The following AP3B1 variants were observed in gnomAD, a reference collection of about 807,000 sequenced individuals.
AP3B1 encodes the protein AP-3 complex subunit beta-1.
In AP3B1, 61 loss-of-function variants were observed where a neutral mutation model predicts 132.5. The ratio of observed to expected loss-of-function variants is 0.46; its 90% CI spans 0.37 to 0.57. The LOEUF is 0.57. Ranked by LOEUF, AP3B1 falls within the 20% of genes least tolerant of loss-of-function variation. The probability of loss-of-function intolerance (pLI) is 0.00; values close to 1 mark genes in which losing one functional copy is unlikely to be tolerated. For synonymous variants in AP3B1, 388 were observed against 438.3 expected (o/e 0.89, Z 1.43); for missense variants, 1,120 against 1,289.4 (o/e 0.87, Z 2.01).
chr5:78,059,669 C>G (rs1348791407), intron 22 of AP3B1, among the ~76,000 whole-genome samples: 1 of 152,128 alleles, frequency 6.6e-6, no homozygotes, highest in Non-Finnish European at 1.5e-5. Context: ...AAAAACTCCC[C>G]TCCCCTAACA....
intron 22 of AP3B1, among the ~76,000 whole-genome samples, chr5:78,067,714 T>C (rs183255999): frequency 2.3e-3 from 347 of 152,144 alleles, no homozygotes; most frequent in Non-Finnish European, 3.5e-3. Flanking sequence ...TTGAAACCAA[T>C]GAGAACAAAG....
intron 7 of AP3B1, among the ~76,000 whole-genome samples, chr5:78,202,552 A>AGTGTGTGTGAGTGT (rs1554075460): frequency 1.4e-5 from 2 of 146,056 alleles, no homozygotes; most frequent in African/African-American, 5.1e-5. Flanking sequence ...CCATATATTC[A>AGTGTGTGTGAGTGT]GTGTGTGTGT....
Position 78,211,930 on chromosome 5 carries a change from C to T in AP3B1, c.786+4125G>A, listed in dbSNP as rs138627770. ...TAAAATCTGTATATATCAATTTCTTCATATATAAAATGGGTATAATAATTC... is the reference window on the plus strand; with the variant it reads ...TAAAATCTGTATATATCAATTTCTTTATATATAAAATGGGTATAATAATTC... On this transcript the variant is annotated intron_variant, in intron 7 of 26. Coordinates refer to ENST00000255194, the MANE Select transcript of AP3B1 (RefSeq NM_003664.5). 3.1e-3 allele frequency among the ~76,000 whole-genome samples: 470 copies of T among 152,278 alleles called. 1 individual carries two copies. The highest frequency in any genetic ancestry group is 0.011 in the African/African-American group (441 of 41,554).
chr5:78,063,811 G>A (rs1734416849), intron 22 of AP3B1, among the ~76,000 whole-genome samples: 8 of 152,128 alleles, frequency 5.3e-5, no homozygotes, highest in Admixed American at 5.2e-4. Context: ...TGAGGTTAAA[G>A]TGTACATCAA....
chr5:78,088,104 T>C (rs1750343723), intron 22 of AP3B1, among the ~76,000 whole-genome samples: 1 of 152,234 alleles, frequency 6.6e-6, no homozygotes, highest in Non-Finnish European at 1.5e-5. Context: ...ACCAAGGTTT[T>C]AGGGACCTCC....
At chr5:78,096,064 G>A (rs995379698) in intron 21 of AP3B1, among the ~76,000 whole-genome samples, 2 of 152,134 alleles carry the variant, frequency 1.3e-5, no homozygotes, top group African/African-American at 4.8e-5. Flanking sequence ...ATGCCGAGCT[G>A]AAGCTGGACT....
intron 9 of AP3B1, 133 bp from the exon 10 acceptor site, chr5:78,175,971 T>C: frequency 3.9e-6 from 3 of 760,434 alleles, no homozygotes; most frequent in Non-Finnish European, 6.8e-6. Context: ...ATGAAAAGTT[T>C]TTAGTAAATC....
intron 24 of AP3B1, among the ~76,000 whole-genome samples, chr5:78,028,027 A>G (rs537101132): frequency 1.8e-4 from 28 of 151,750 alleles, no homozygotes; most frequent in Non-Finnish European, 3.8e-4. Context: ...TTGGGAAGCT[A>G]AGGAAGGACA....
At chr5:78,119,087 A>G (rs894455451) in intron 17 of AP3B1, among the ~76,000 whole-genome samples, 16 of 152,216 alleles carry the variant, frequency 1.1e-4, no homozygotes, top group African/African-American at 2.4e-5. Context: ...CAGGGTCTGG[A>G]GTTGACCTCT....
chr5:78,067,105 G>A (rs1364316860), intron 22 of AP3B1, among the ~76,000 whole-genome samples: 2 of 152,244 alleles, frequency 1.3e-5, no homozygotes, highest in East Asian at 3.9e-4. Context: ...GCAGAAAAAA[G>A]CAGGGGTTGA....
chr5:78,072,508 TTC>T (rs1035139334), intron 22 of AP3B1, among the ~76,000 whole-genome samples: 4 of 152,108 alleles, frequency 2.6e-5, no homozygotes, highest in African/African-American at 9.7e-5. Context: ...TGCTGAAATT[TTC>T]TGTTTTGTTT....
chr5:78,244,528 C>A (rs75310194), intron 2 of AP3B1, among the ~76,000 whole-genome samples: 273 of 152,180 alleles, frequency 1.8e-3, no homozygotes, highest in Non-Finnish European at 3.4e-3. Flanking sequence ...GATGAGCAAT[C>A]CAGAGTTTGG....
chr5:78,044,237 A>G (rs1234563381), intron 22 of AP3B1: 1 of 154,140 alleles, frequency 6.5e-6, no homozygotes, highest in Admixed American at 6.5e-5. Flanking sequence ...CCAGAGCTAT[A>G]TATTTTATAT....
At chr5:78,043,774 A>G in intron 22 of AP3B1, 1 of 386,396 alleles carries the variant, frequency 2.6e-6, no homozygotes, top group Admixed American at 2.9e-5. Context: ...AAACTGCCCA[A>G]TCATGGAGAT....
chr5:78,228,341 A>C, intron 3 of AP3B1, 102 bp from the exon 4 acceptor site: 1 of 730,510 alleles, frequency 1.4e-6, no homozygotes, highest in South Asian at 1.6e-5. Context: ...TAAATAACTG[A>C]ATCTGGTCAC....
At chr5:78,048,913 T>C (rs553020196) in intron 22 of AP3B1, among the ~76,000 whole-genome samples, 1 of 152,288 alleles carries the variant, frequency 6.6e-6, no homozygotes, top group Admixed American at 6.5e-5. Flanking sequence ...AATGGGAGAA[T>C]GCCCCCTTCC....
chr5:78,097,305 C>T (rs1337548617), intron 21 of AP3B1, among the ~76,000 whole-genome samples: 4 of 90,816 alleles, frequency 4.4e-5, no homozygotes, highest in African/African-American at 8.9e-5. Flanking sequence ...GCCCCCCGCC[C>T]GGCCAGCAGC....
chr5:78,173,056 C>A (rs955154035), intron 11 of AP3B1, among the ~76,000 whole-genome samples: 2 of 152,144 alleles, frequency 1.3e-5, no homozygotes, highest in African/African-American at 4.8e-5. Flanking sequence ...TCAGTTTCCA[C>A]GCAGTTGTGC....
At position 78,114,009 on chromosome 5, in the gene AP3B1, T is replaced by C. The variant is rs1014706231; in HGVS notation, c.2078-86A>G. 1.2e-5 allele frequency: 18 copies of C among 1,446,872 alleles called. No homozygotes were observed. In the African/African-American group the frequency reaches 2.5e-4, roughly 20 times the overall value. 89.6% of individuals were successfully genotyped at this position (1,446,872 alleles called of 1,614,324 possible). A position where few individuals can be genotyped will look rare whatever the true frequency, so the allele number is the denominator to read the frequency against. On this transcript the variant is annotated intron_variant, in intron 18 of 26. Transcript: ENST00000255194. ...TGTAACTGTCAATATTCATCACAAATGAAACCAGATGTTGAATTTTAGTTC... is the reference window on the plus strand; with the variant it reads ...TGTAACTGTCAATATTCATCACAAACGAAACCAGATGTTGAATTTTAGTTC...
Sources: allele counts gnomAD v4.1 joint callset (sites outside exome capture counted in the v4.1 genomes callset), GRCh38; gene constraint gnomAD v4.1.1; transcripts MANE v1.5; gene names NCBI Gene and HGNC (gene_info 2026-07-23, HGNC 2026-07-21).